Variants in NCEH1 observed in about 807,000 individuals in gnomAD.
NCEH1 encodes neutral cholesterol ester hydrolase 1, also known as 2-acetyl MAGE hydrolase.
Under a neutral mutation model 25.4 loss-of-function variants are expected in NCEH1, and 9 were observed. That is an observed-to-expected ratio of 0.35 (90% CI 0.21 to 0.62). The LOEUF is 0.62. NCEH1 is among the 20% of genes least tolerant of loss of function. The pLI is 0.72. For synonymous variants in NCEH1, 200 were observed against 199.8 expected (o/e 1.00, Z -0.01); for missense variants, 412 against 501.1 (o/e 0.82, Z 1.70).
chr3:172,706,383 A>G (rs2108230540), intron 1 of NCEH1, among the ~76,000 whole-genome samples: 1 of 152,244 alleles, frequency 6.6e-6, no homozygotes. Context: ...TGCTTAACAC[A>G]TGGTACAAAT....
At chr3:172,643,724 G>C (rs1007634439) in intron 3 of NCEH1, among the ~76,000 whole-genome samples, 1 of 152,198 alleles carries the variant, frequency 6.6e-6, no homozygotes, top group African/African-American at 2.4e-5. Flanking sequence ...GAAGCCCGGA[G>C]GGTAGGCCCT....
intron 1 of NCEH1, among the ~76,000 whole-genome samples, chr3:172,689,836 G>A (rs902610920): frequency 6.6e-6 from 1 of 151,582 alleles, no homozygotes; most frequent in Non-Finnish European, 1.5e-5. Context: ...CTTGCCAGCT[G>A]TATGAGGTGG....
At chr3:172,658,052 G>A (rs1351392168) in intron 1 of NCEH1, among the ~76,000 whole-genome samples, 1 of 152,176 alleles carries the variant, frequency 6.6e-6, no homozygotes, top group African/African-American at 2.4e-5. Flanking sequence ...GTCACAGGAT[G>A]AGACAGGAGG....
chr3:172,670,400 T>C (rs112965382), intron 1 of NCEH1, among the ~76,000 whole-genome samples: 26,682 of 152,216 alleles, frequency 0.18, 2,586 homozygotes, highest in Middle Eastern at 0.23. Flanking sequence ...TCTTTTCTAA[T>C]AAGGTAGAAA....
At chr3:172,651,049 A>G (rs1560185072) in intron 1 of NCEH1, among the ~76,000 whole-genome samples, 1 of 152,184 alleles carries the variant, frequency 6.6e-6, no homozygotes, top group Non-Finnish European at 1.5e-5. Context: ...TTTTCTTGGT[A>G]CTATTATAAA....
At chr3:172,694,899 A>G (rs1334297523) in intron 1 of NCEH1, among the ~76,000 whole-genome samples, 1 of 152,084 alleles carries the variant, frequency 6.6e-6, no homozygotes, top group Non-Finnish European at 1.5e-5. Context: ...CTGCCAACAA[A>G]TTTCTCCCTA....
At chr3:172,661,076 A>C (rs888686101) in intron 1 of NCEH1, among the ~76,000 whole-genome samples, 1 of 152,150 alleles carries the variant, frequency 6.6e-6, no homozygotes, top group Non-Finnish European at 1.5e-5. Context: ...GGTATTGCCT[A>C]GGTTTTCTTC....
At position 172,689,580 on chromosome 3, in the gene NCEH1, C is replaced by T. The variant is rs1052771385; in HGVS notation, c.138+21267G>A. ...TCAAAATTAGCCAGGCGTGATGGCA[C>T]GAGCCTGTAATCCCAGCTACTTGGG... On this transcript the variant is annotated intron_variant, in intron 1 of 4. Coordinates refer to ENST00000475381, the MANE Select transcript of NCEH1 (RefSeq NM_020792.6). Among the ~76,000 whole-genome samples, 7 of 139,690 alleles carry T rather than the reference C, an allele frequency of 5.0e-5. No homozygotes were observed. The South Asian group carries it at 1.3e-3, about 25-fold the overall frequency. 91.6% of individuals were successfully genotyped at this position (139,690 alleles called of 152,430 possible).
intron 1 of NCEH1, among the ~76,000 whole-genome samples, chr3:172,659,531 G>T (rs1306081627): frequency 6.6e-6 from 1 of 152,166 alleles, no homozygotes; most frequent in African/African-American, 2.4e-5. Context: ...CCTCCTTGGT[G>T]TCTGTGAGTG....
In NCEH1 at chr3:172,636,070, T is replaced by G. The variant is rs529740332; in HGVS notation, c.455A>C (p.Lys152Thr). ...IVSIEYRLVPKVYFPEQIHDV... is the reference protein window; with the variant it reads ...IVSIEYRLVPTVYFPEQIHDV... ...ATGAATTTGCTCAGGAAAATAAACC[T>G]TTGGAACTAGCCTGTATCTGTAAAA... The change falls in exon 4 of 5, where the codon AAG becomes ACG. Residue 152 changes from lysine to threonine, a missense_variant. By Grantham distance (78) the Lys-to-Thr change is moderately conservative. Transcript: ENST00000475381. 7 of 1,613,940 alleles carry G rather than the reference T, an allele frequency of 4.3e-6. No individual in the cohort carries two copies. In the South Asian group the frequency reaches 7.7e-5, roughly 18 times the overall value.
chr3:172,640,130 C>CA (rs1398280799), intron 3 of NCEH1, among the ~76,000 whole-genome samples: 1 of 152,194 alleles, frequency 6.6e-6, no homozygotes, highest in Non-Finnish European at 1.5e-5. Flanking sequence ...AAGTTCTCTT[C>CA]ATATAGTACT....
intron 1 of NCEH1, among the ~76,000 whole-genome samples, chr3:172,666,789 G>C (rs1271355663): frequency 6.6e-6 from 1 of 152,130 alleles, no homozygotes; most frequent in Non-Finnish European, 1.5e-5. Context: ...CTCTGTCTGC[G>C]ATCTCTTACT....
At position 172,635,901 on chromosome 3, in the gene NCEH1, G is replaced by T; in HGVS notation, c.609+15C>A. 1.9e-6 allele frequency: 3 copies of T among 1,613,566 alleles called. No homozygotes were observed. The highest frequency in any genetic ancestry group is 2.5e-6 in the Non-Finnish European group (3 of 1,179,600). ...CACCGCTTAACCCACCAGCACCTTA[G>T]GACAGTGGTGTTACCTGTTGTCCAA... On this transcript the variant is annotated intron_variant, in intron 4 of 4. Transcript: ENST00000475381.
intron 1 of NCEH1, among the ~76,000 whole-genome samples, chr3:172,670,900 T>A (rs1223602153): frequency 6.6e-6 from 1 of 152,204 alleles, no homozygotes; most frequent in Admixed American, 6.5e-5. Flanking sequence ...TCCCATTATC[T>A]TTGCTCTCCT....
intron 1 of NCEH1, among the ~76,000 whole-genome samples, chr3:172,653,150 A>G (rs558086253): frequency 6.6e-6 from 1 of 152,238 alleles, no homozygotes; most frequent in Admixed American, 6.5e-5. Flanking sequence ...TTGCCTCCAT[A>G]ACCATTCCAG....
chr3:172,648,032 G>A lies in NCEH1; in HGVS notation c.221C>T (p.Ala74Val), dbSNP rs370462746. The A allele has an allele frequency of 1.4e-5, 23 of 1,614,008 alleles. No individual in the cohort carries two copies. The highest frequency in any genetic ancestry group is 4.5e-5 in the East Asian group (2 of 44,890). The change falls in exon 2 of 5, where the codon GCG becomes GTG. Residue 74 changes from alanine to valine, a missense_variant. Physicochemically the swap from Ala to Val is moderately conservative, Grantham distance 64. Coordinates refer to ENST00000475381, the MANE Select transcript of NCEH1 (RefSeq NM_020792.6). ...FIIVSFGKKSAWSSAQVKVTD... is the reference protein window; with the variant it reads ...FIIVSFGKKSVWSSAQVKVTD... ...CACCTTCACTTGGGCAGAAGACCACGCGCTTTTTTTGCCAAAAGAAACAAT... is the reference window on the plus strand; with the variant it reads ...CACCTTCACTTGGGCAGAAGACCACACGCTTTTTTTGCCAAAAGAAACAAT...
At chr3:172,694,825 A>G (rs1713270595) in intron 1 of NCEH1, among the ~76,000 whole-genome samples, 1 of 152,152 alleles carries the variant, frequency 6.6e-6, no homozygotes, top group South Asian at 2.1e-4. Context: ...TCTTCTTGGC[A>G]GCTCTAACAC....
intron 1 of NCEH1, among the ~76,000 whole-genome samples, chr3:172,680,161 C>T (rs1712258904): frequency 6.6e-6 from 1 of 152,062 alleles, no homozygotes; most frequent in African/African-American, 2.4e-5. Flanking sequence ...GAAACATTGG[C>T]CTAGTCAATT....
chr3:172,703,527 C>CCAAA lies in NCEH1; in HGVS notation c.138+7319_138+7320insTTTG, dbSNP rs761267305. On this transcript the variant is annotated intron_variant, in intron 1 of 4. Coordinates refer to ENST00000475381, the MANE Select transcript of NCEH1 (RefSeq NM_020792.6). ...TGAGTGACAGAGCAAGACTCTGTCTCAAAAAAAAAAAAAAAAAAAGTAAAT... is the reference window on the plus strand; with the variant it reads ...TGAGTGACAGAGCAAGACTCTGTCTCCAAAAAAAAAAAAAAAAAAAAAAGTAAAT... Among the ~76,000 whole-genome samples the CCAAA allele has an allele frequency of 2.2e-3, 177 of 80,594 alleles. 1 individual carries two copies. Among genetic ancestry groups the CCAAA allele is most frequent in the African/African-American group, 8.1e-3 (173 of 21,240 alleles). The allele number at this position is 80,594 out of a possible 152,430, so 52.9% of individuals were successfully genotyped here.
Sources: allele counts gnomAD v4.1 joint callset (sites outside exome capture counted in the v4.1 genomes callset), GRCh38; gene constraint gnomAD v4.1.1; transcripts MANE v1.5; gene names NCBI Gene and HGNC (gene_info 2026-07-23, HGNC 2026-07-21).